AGBL1: variants seen among roughly 807,000 people sequenced by gnomAD.
AGBL1 encodes the protein cytosolic carboxypeptidase 4.
AGBL1 carries 130 observed loss-of-function variants against 118.9 expected under a neutral mutation model. The observed-to-expected ratio is 1.09, with a 90% CI of 0.95 to 1.26. AGBL1 has a LOEUF of 1.26. AGBL1 is among the 50% of genes most tolerant of loss of function. The pLI, the probability that AGBL1 is intolerant of heterozygous loss-of-function variation, is 0.00. For missense variants in AGBL1, 1,584 were observed against 1,298.1 expected (o/e 1.22, Z -3.38); for synonymous variants, 555 against 478.9 (o/e 1.16, Z -2.08).
At chr15:86,553,306 T>C (rs2083688496) in intron 20 of AGBL1, among the ~76,000 whole-genome samples, 1 of 152,214 alleles carries the variant, frequency 6.6e-6, no homozygotes. Flanking sequence ...TCTGAGTCAT[T>C]GTCCTCTGGG....
At chr15:87,005,509 C>G (rs1260047960) in intron 24 of AGBL1, among the ~76,000 whole-genome samples, 1 of 152,208 alleles carries the variant, frequency 6.6e-6, no homozygotes, top group Non-Finnish European at 1.5e-5. Flanking sequence ...GCATTCGTCA[C>G]ATAGTTCTCG....
At chr15:86,374,792 G>A (rs190686921) in intron 17 of AGBL1, among the ~76,000 whole-genome samples, 2 of 152,334 alleles carry the variant, frequency 1.3e-5, no homozygotes, top group Admixed American at 6.5e-5. Flanking sequence ...CAGACTGCCT[G>A]CTTTAGAACC....
chr15:86,226,899 T>C lies in AGBL1; in HGVS notation c.526+1948T>C, dbSNP rs570831768. Among the ~76,000 whole-genome samples, 108 of 152,344 alleles carry C rather than the reference T, an allele frequency of 7.1e-4. 2 individuals are homozygous for C. The East Asian group carries it at 0.02, about 29-fold the overall frequency. On this transcript the variant is annotated intron_variant, in intron 6 of 22. Transcript: ENST00000614907. ...ATTGTGATGAAATTGCTATTGTCTG[T>C]CTCTTCCAGCAGACTGCAAGCTTTT...
intron 22 of AGBL1, among the ~76,000 whole-genome samples, chr15:86,723,140 C>A (rs1219974637): frequency 1.3e-5 from 2 of 152,168 alleles, no homozygotes; most frequent in African/African-American, 4.8e-5. Context: ...TTGACCCAGC[C>A]ATCCCATTAC....
chr15:86,636,444 G>C (rs72762049), intron 21 of AGBL1, among the ~76,000 whole-genome samples: 17,772 of 150,610 alleles, frequency 0.12, 1,195 homozygotes, highest in East Asian at 0.15. Flanking sequence ...GAGAAGACAG[G>C]AGAGGAGAAG....
intron 19 of AGBL1, among the ~76,000 whole-genome samples, chr15:86,528,539 C>T (rs2083300668): frequency 6.7e-6 from 1 of 148,616 alleles, no homozygotes. Flanking sequence ...GGAGGGGCGC[C>T]GGCCATTGCC....
chr15:86,152,980 A>G (rs573171165), intron 3 of AGBL1, among the ~76,000 whole-genome samples: 1 of 152,398 alleles, frequency 6.6e-6, no homozygotes, highest in African/African-American at 2.4e-5. Context: ...CATGCCAATT[A>G]GAATGGTAAT....
chr15:86,340,645 G>A (rs1408373756), intron 17 of AGBL1, among the ~76,000 whole-genome samples: 1 of 152,162 alleles, frequency 6.6e-6, no homozygotes, highest in Non-Finnish European at 1.5e-5. Flanking sequence ...AAGTGTGACT[G>A]AATAACTTAA....
At chr15:86,436,553 G>A (rs757399382) in intron 18 of AGBL1, among the ~76,000 whole-genome samples, 1 of 152,082 alleles carries the variant, frequency 6.6e-6, no homozygotes, top group South Asian at 2.1e-4. Context: ...CATAGTTAAT[G>A]TGTTCCCACT....
intron 17 of AGBL1, among the ~76,000 whole-genome samples, chr15:86,380,166 C>G (rs531793531): frequency 3.7e-4 from 56 of 152,074 alleles, no homozygotes; most frequent in Non-Finnish European, 6.9e-4. Context: ...ACATGATAGA[C>G]AACTTTGGTC....
At chr15:86,139,829 C>T (rs973140604) in intron 1 of AGBL1, 2 of 156,222 alleles carry the variant, frequency 1.3e-5, no homozygotes, top group African/African-American at 4.8e-5. Context: ...GTGAGAGGGC[C>T]CAGCACCTAG....
intron 18 of AGBL1, among the ~76,000 whole-genome samples, chr15:86,522,445 T>A (rs1428688507): frequency 6.6e-6 from 1 of 152,200 alleles, no homozygotes; most frequent in East Asian, 1.9e-4. Context: ...GTATGATAGA[T>A]TGAATGCAAC....
chr15:86,389,185 A>C (rs1296265175), intron 17 of AGBL1, among the ~76,000 whole-genome samples: 1 of 152,202 alleles, frequency 6.6e-6, no homozygotes, highest in African/African-American at 2.4e-5. Flanking sequence ...AGAAAGTTCA[A>C]TAATCTGGAA....
intron 21 of AGBL1, among the ~76,000 whole-genome samples, chr15:86,628,427 A>T (rs1185186988): frequency 6.6e-6 from 1 of 152,214 alleles, no homozygotes; most frequent in Non-Finnish European, 1.5e-5. Flanking sequence ...TACCTAGAAC[A>T]TAGCACTGAT....
At chr15:86,499,502 T>TGTG (rs1355388369) in intron 18 of AGBL1, among the ~76,000 whole-genome samples, 1 of 151,866 alleles carries the variant, frequency 6.6e-6, no homozygotes, top group African/African-American at 2.4e-5. Context: ...GAATCAAATC[T>TGTG]GTGGAAAGGA....
Position 86,159,436 on chromosome 15 carries a change from A to G in AGBL1, c.488+410A>G, listed in dbSNP as rs539586645. ...TACCATAAATAAATATAATCCTCAA[A>G]AGACATTTCATAAATGACAGGGTCT... On this transcript the variant is annotated intron_variant, in intron 5 of 22. Coordinates refer to ENST00000614907, the MANE Select transcript of AGBL1 (RefSeq NM_001386094.1). Among the ~76,000 whole-genome samples, 7 of 152,210 alleles carry G rather than the reference A, an allele frequency of 4.6e-5. No homozygotes were observed. In the East Asian group the frequency reaches 1.4e-3, roughly 29 times the overall value.
intron 23 of AGBL1, among the ~76,000 whole-genome samples, chr15:86,932,726 AC>A (rs1267715852): frequency 7.2e-5 from 11 of 152,192 alleles, no homozygotes; most frequent in Admixed American, 6.5e-4. Flanking sequence ...TTCACTGCTT[AC>A]CATATAATGG....
intron 15 of AGBL1, 53 bp from the exon 16 acceptor site, chr15:86,279,586 A>T (rs1386307181): frequency 3.8e-6 from 6 of 1,559,828 alleles, no homozygotes; most frequent in Non-Finnish European, 5.3e-6. Flanking sequence ...ATGACCCTGC[A>T]CCCCCCTCCC....
rs1010856357 is a variant in AGBL1, at chr15:86,545,916, G to T, written c.2686-86G>T. The T allele has an allele frequency of 1.2e-5, 17 of 1,471,730 alleles. No individual in the cohort carries two copies. In the Admixed American group the frequency reaches 3.5e-4, roughly 30 times the overall value. The allele number at this position is 1,471,730 out of a possible 1,614,324, so 91.2% of individuals were successfully genotyped here. Reference sequence around the variant, plus strand: ...ACATTGTAAACTTTCTTTGAGCCATGGAACATGAGTAGATACGATTTAAGT... The same window carrying T: ...ACATTGTAAACTTTCTTTGAGCCATTGAACATGAGTAGATACGATTTAAGT... On this transcript the variant is annotated intron_variant, in intron 19 of 22. Transcript: ENST00000614907.
Sources: gnomAD v4.1 joint callset for allele counts (sites outside exome capture counted in the v4.1 genomes callset) on GRCh38, gnomAD v4.1.1 for gene constraint, MANE v1.5 for transcripts, NCBI Gene and HGNC (gene_info 2026-07-23, HGNC 2026-07-21) for gene names.